CHD6: variants seen among roughly 807,000 people sequenced by gnomAD.
CHD6 encodes the protein ATP-dependent chromatin remodeler CHD6.
CHD6 carries 50 observed loss-of-function variants against 276.9 expected under a neutral mutation model. The ratio of observed to expected loss-of-function variants is 0.18; its 90% CI spans 0.14 to 0.23. CHD6 has a LOEUF of 0.23. Among genes scored for constraint, CHD6 ranks in the 10% least tolerant of loss-of-function variants. The probability of loss-of-function intolerance (pLI) is 1.00; values close to 1 mark genes in which losing one functional copy is unlikely to be tolerated. For missense variants in CHD6, 2,564 were observed against 3,365.8 expected (o/e 0.76, Z 5.89); for synonymous variants, 1,173 against 1,229.3 (o/e 0.95, Z 0.96).
chr20:41,415,773 C>G, intron 33 of CHD6, 135 bp from the exon 34 acceptor site: 1 of 652,648 alleles, frequency 1.5e-6, no homozygotes, highest in Non-Finnish European at 2.6e-6. Flanking sequence ...TAACTCAGGC[C>G]TCCTCAAACC....
At chr20:41,547,635 G>A (rs2045068519) in intron 2 of CHD6, 1 of 648,388 alleles carries the variant, frequency 1.5e-6, no homozygotes, top group Non-Finnish European at 2.7e-6. Flanking sequence ...GGCCCAGATT[G>A]AGGTGGTACC....
chr20:41,527,474 G>A (rs2044570318), intron 3 of CHD6, among the ~76,000 whole-genome samples: 1 of 151,970 alleles, frequency 6.6e-6, no homozygotes, highest in Non-Finnish European at 1.5e-5. Flanking sequence ...CTCCCTATGT[G>A]AGAAAGGGCA....
intron 1 of CHD6, among the ~76,000 whole-genome samples, chr20:41,582,365 G>C (rs2045549869): frequency 3.3e-5 from 5 of 152,088 alleles, no homozygotes; most frequent in Admixed American, 3.3e-4. Flanking sequence ...TAAATCTTTA[G>C]GGTATTATAA....
chr20:41,473,597 C>T lies in CHD6; in HGVS notation c.2469-80G>A, dbSNP rs958199785. Reference sequence around the variant, plus strand: ...AACAGCACAAAATGCAGGAAGCTGTCGACTGATGGCCTTAAATCCCTCACT... The same window carrying T: ...AACAGCACAAAATGCAGGAAGCTGTTGACTGATGGCCTTAAATCCCTCACT... On this transcript the variant is annotated intron_variant, in intron 16 of 36. Transcript: ENST00000373233. This position sits in a 1 kb window ranked among gnomAD's most constrained non-coding sequence, Gnocchi z 4.1. The T allele has an allele frequency of 9.4e-6, 11 of 1,164,638 alleles. No homozygotes were observed. The highest frequency in any genetic ancestry group is 7.6e-5 in the African/African-American group (5 of 65,710). 72.1% of individuals were successfully genotyped at this position (1,164,638 alleles called of 1,614,324 possible). A position where few individuals can be genotyped will look rare whatever the true frequency, so the allele number is the denominator to read the frequency against.
chr20:41,414,420 G>C (rs1460283071), intron 34 of CHD6: 1 of 156,590 alleles, frequency 6.4e-6, no homozygotes, highest in Non-Finnish European at 1.4e-5. Context: ...GTAAAGCCTT[G>C]AACATGGTAA....
intron 1 of CHD6, among the ~76,000 whole-genome samples, chr20:41,584,811 TAGACA>T (rs2045576632): frequency 1.3e-5 from 2 of 152,102 alleles, no homozygotes; most frequent in Admixed American, 1.3e-4. Flanking sequence ...AAACAGTGCT[TAGACA>T]AAAGTTTATA....
intron 1 of CHD6, among the ~76,000 whole-genome samples, chr20:41,592,097 TCAAA>T (rs1313359753): frequency 6.6e-6 from 1 of 151,914 alleles, no homozygotes; most frequent in Non-Finnish European, 1.5e-5. Flanking sequence ...AGACTCTGTA[TCAAA>T]CAAACAAAAA....
intron 14 of CHD6, chr20:41,485,856 G>A (rs1166032001): frequency 6.6e-6 from 1 of 151,994 alleles, no homozygotes. Context: ...CTCACAAAAA[G>A]CATGTGCTAA....
At chr20:41,436,114 C>A (rs557046897) in intron 27 of CHD6, among the ~76,000 whole-genome samples, 21 of 151,992 alleles carry the variant, frequency 1.4e-4, no homozygotes, top group African/African-American at 5.1e-4. Context: ...TTGCAAACTA[C>A]GTATCTGACA....
In CHD6 at chr20:41,421,318, T is replaced by C; in HGVS notation, c.5317A>G (p.Asn1773Asp). 1 of 1,614,204 alleles carries C rather than the reference T, an allele frequency of 6.2e-7. No individual in the cohort carries two copies. Among genetic ancestry groups the C allele is most frequent in the Non-Finnish European group, 8.5e-7 (1 of 1,180,034 alleles). The stretch of plus-strand genomic sequence containing the variant: ...AACAAATGTTTTCCATTTTTGATGT[T>C]TGCTTGAGCTACTCCTCCTGCTTCT... ...SLEAGGVAQA[N>D]IKNGKHLLMS... The change falls in exon 31 of 37, where the codon AAC becomes GAC. Residue 1773 changes from asparagine (N) to aspartate (D), a missense_variant. Physicochemically the swap from Asn to Asp is conservative, Grantham distance 23. This residue lies in a region of CHD6 where 1,024 missense variants were observed against 1,047.9 expected (regional missense o/e 0.98). Coordinates refer to ENST00000373233, the MANE Select transcript of CHD6 (RefSeq NM_032221.5).
intron 16 of CHD6, among the ~76,000 whole-genome samples, chr20:41,478,067 G>A (rs1183465464): frequency 6.6e-6 from 1 of 152,158 alleles, no homozygotes; most frequent in East Asian, 1.9e-4. Context: ...CTATAGGCAG[G>A]GGAGAGTAAG....
At position 41,482,239 on chromosome 20, in the gene CHD6, T is replaced by C. The variant is rs371841196; in HGVS notation, c.2468+1070A>G. 3.9e-5 allele frequency among the ~76,000 whole-genome samples: 6 copies of C among 152,306 alleles called. No homozygotes were observed. In the East Asian group the frequency reaches 5.8e-4, roughly 15 times the overall value. ...AGCAAATGCTCTGGCAATAGGCTCC[T>C]AATCTATAGTGAATTGAAAGCTACA... On this transcript the variant is annotated intron_variant, in intron 16 of 36. Coordinates refer to ENST00000373233, the MANE Select transcript of CHD6 (RefSeq NM_032221.5).
At chr20:41,550,350 A>G (rs1202096328) in intron 2 of CHD6, among the ~76,000 whole-genome samples, 4 of 152,192 alleles carry the variant, frequency 2.6e-5, no homozygotes, top group Non-Finnish European at 4.4e-5. Flanking sequence ...GCTAGGACAG[A>G]TATAAATCCA....
intron 1 of CHD6, among the ~76,000 whole-genome samples, chr20:41,592,029 G>A (rs2045667365): frequency 6.6e-6 from 1 of 152,076 alleles, no homozygotes; most frequent in Non-Finnish European, 1.5e-5. Context: ...AACCCAGGAG[G>A]CAGAGCTTGT....
chr20:41,473,252 A>G lies in CHD6; in HGVS notation c.2664+70T>C, dbSNP rs1360867636. The stretch of plus-strand genomic sequence containing the variant: ...GAGCATCACGGATGCTCTGTAGCCA[A>G]GCCAGGCCCTATCATGATGTTCTGG... On this transcript the variant is annotated intron_variant, in intron 17 of 36. Transcript: ENST00000373233. This position sits in a 1 kb window ranked among gnomAD's most constrained non-coding sequence, Gnocchi z 4.1. The G allele has an allele frequency of 1.3e-6, 2 of 1,481,730 alleles. No homozygotes were observed. The highest frequency in any genetic ancestry group is 9.3e-7 in the Non-Finnish European group (1 of 1,077,188). 91.8% of individuals were successfully genotyped at this position (1,481,730 alleles called of 1,614,324 possible).
intron 13 of CHD6, 100 bp from the exon 14 acceptor site, chr20:41,487,908 G>T: frequency 8.1e-7 from 1 of 1,234,334 alleles, no homozygotes; most frequent in South Asian, 1.4e-5. Flanking sequence ...CTCAATTTGG[G>T]GCAATTCTGA....
Position 41,430,462 on chromosome 20 carries a change from G to A in CHD6, c.4069-4309C>T, listed in dbSNP as rs543809200. ...TTCAGAGGCTGGCCTCTTCATATGA[G>A]CTACTGCTGGGAGGAAGGGGCATAA... On this transcript the variant is annotated intron_variant, in intron 27 of 36. Coordinates refer to ENST00000373233, the MANE Select transcript of CHD6 (RefSeq NM_032221.5). 9.8e-5 allele frequency among the ~76,000 whole-genome samples: 15 copies of A among 152,288 alleles called. No homozygotes were observed. In the South Asian group the frequency reaches 1.7e-3, roughly 17 times the overall value.
rs2044734194 is a variant in CHD6, at chr20:41,533,218, T to G, written c.386A>C (p.Glu129Ala). Residue 129 changes from glutamate (E) to alanine (A), a missense_variant, in exon 3 of 37, where the codon GAA becomes GCA. Transcript: ENST00000373233. Reference sequence around the variant, plus strand: ...CTTCGGCTCCTTGGCCTTTCTGGGTTCCTTTGGCTCTTTCGGTTCTCGTTT... The same window carrying G: ...CTTCGGCTCCTTGGCCTTTCTGGGTGCCTTTGGCTCTTTCGGTTCTCGTTT... ...KRKREPKEPK[E>A]PRKAKEPKKA... 3 of 1,613,556 alleles carry G rather than the reference T, an allele frequency of 1.9e-6. No homozygotes were observed. The highest frequency in any genetic ancestry group is 8.5e-7 in the Non-Finnish European group (1 of 1,180,016).
chr20:41,548,648 T>A (rs959837210), intron 2 of CHD6, among the ~76,000 whole-genome samples: 2 of 152,034 alleles, frequency 1.3e-5, no homozygotes, highest in African/African-American at 4.8e-5. Flanking sequence ...ACAAATGGGA[T>A]CTAATTAAAC....
Sources: allele counts gnomAD v4.1 joint callset (sites outside exome capture counted in the v4.1 genomes callset), GRCh38; gene constraint gnomAD v4.1.1; regional missense constraint gnomAD v4.1.1; non-coding constraint Gnocchi (gnomAD v3.1); transcripts MANE v1.5; gene names NCBI Gene and HGNC (gene_info 2026-07-23, HGNC 2026-07-21).